The following SPSB1 variants were observed in gnomAD, a reference collection of about 807,000 sequenced individuals.
The protein encoded by SPSB1 is SPRY domain-containing SOCS box protein 1.
SPSB1 carries 8 observed loss-of-function variants against 21.2 expected under a neutral mutation model. That is an observed-to-expected ratio of 0.38 (90% CI 0.22 to 0.68). SPSB1 has a LOEUF of 0.68. Among genes scored for constraint, SPSB1 ranks in the 30% least tolerant of loss-of-function variants. The pLI is 0.53. For synonymous variants in SPSB1, 169 were observed against 161.7 expected (o/e 1.05, Z -0.34); for missense variants, 242 against 377.8 (o/e 0.64, Z 2.98).
intron 1 of SPSB1, chr1:9,339,131 A>C (rs749189929): frequency 9.6e-5 from 78 of 814,478 alleles, no homozygotes; most frequent in Non-Finnish European, 1.1e-4. Context: ...TGGGGACCCT[A>C]CTGCGGGGGC....
chr1:9,296,836 A>G (rs1482145685), intron 1 of SPSB1, among the ~76,000 whole-genome samples: 2 of 152,208 alleles, frequency 1.3e-5, no homozygotes, highest in Non-Finnish European at 2.9e-5. Context: ...GCAAAACCCA[A>G]CAGCACATTG....
At chr1:9,318,417 G>A (rs964274531) in intron 1 of SPSB1, among the ~76,000 whole-genome samples, 9 of 152,194 alleles carry the variant, frequency 5.9e-5, no homozygotes, top group African/African-American at 1.7e-4. Flanking sequence ...TGGGGACAGC[G>A]TCCTCTCCTA....
At chr1:9,331,805 G>GAGA (rs1639925447) in intron 1 of SPSB1, among the ~76,000 whole-genome samples, 8 of 152,176 alleles carry the variant, frequency 5.3e-5, no homozygotes, top group Non-Finnish European at 7.4e-5. Flanking sequence ...AATCTGGAGG[G>GAGA]TGCAACGTGC....
At chr1:9,319,648 C>T (rs79831454) in intron 1 of SPSB1, among the ~76,000 whole-genome samples, 2,713 of 152,306 alleles carry the variant, frequency 0.018, 84 homozygotes, top group African/African-American at 0.062. Flanking sequence ...TCCGTTCCGG[C>T]TGGTGCAGAG....
chr1:9,337,500 T>C (rs1482495448), intron 1 of SPSB1, among the ~76,000 whole-genome samples: 1 of 145,550 alleles, frequency 6.9e-6, no homozygotes, highest in Non-Finnish European at 1.5e-5. Context: ...TTTGGGGGGA[T>C]GGGAGAACAG....
intron 1 of SPSB1, among the ~76,000 whole-genome samples, chr1:9,341,011 T>C (rs1024848658): frequency 6.6e-6 from 1 of 152,206 alleles, no homozygotes; most frequent in African/African-American, 2.4e-5. Flanking sequence ...ACTGCCTCTG[T>C]TCTTGTCTCT....
In SPSB1 at chr1:9,330,380, G is replaced by A. The variant is rs1018455837; in HGVS notation, c.-149-25363G>A. 4.6e-5 allele frequency among the ~76,000 whole-genome samples: 7 copies of A among 152,112 alleles called. No homozygotes were observed. In the East Asian group the frequency reaches 5.8e-4, roughly 13 times the overall value. On this transcript the variant is annotated intron_variant, in intron 1 of 2. Transcript: ENST00000328089. ...CTCAGGAGGCTGAGGCAGGAGAATCGCTTGAACCCGGGAGGCGGAGGTTGC... is the reference window on the plus strand; with the variant it reads ...CTCAGGAGGCTGAGGCAGGAGAATCACTTGAACCCGGGAGGCGGAGGTTGC...
chr1:9,353,435 T>C (rs1640304461), intron 1 of SPSB1, among the ~76,000 whole-genome samples: 1 of 152,096 alleles, frequency 6.6e-6, no homozygotes, highest in South Asian at 2.1e-4. Flanking sequence ...GAGATGGAAC[T>C]AAAAGCTTGA....
intron 1 of SPSB1, among the ~76,000 whole-genome samples, chr1:9,311,089 C>T (rs556247213): frequency 1.3e-5 from 2 of 151,992 alleles, no homozygotes; most frequent in Admixed American, 6.6e-5. Context: ...TCTAGCCTCC[C>T]AGGCTCCCTG....
At chr1:9,313,806 G>A (rs577644236) in intron 1 of SPSB1, among the ~76,000 whole-genome samples, 1 of 152,368 alleles carries the variant, frequency 6.6e-6, no homozygotes, top group Non-Finnish European at 1.5e-5. Context: ...AGTGAAGGCT[G>A]AGTGAATGGA....
intron 1 of SPSB1, among the ~76,000 whole-genome samples, chr1:9,310,903 C>T (rs1253130899): frequency 6.6e-6 from 1 of 152,154 alleles, no homozygotes; most frequent in African/African-American, 2.4e-5. Flanking sequence ...TTAATTTATT[C>T]CAATTCCGTA....
chr1:9,294,805 C>T (rs1366145242), intron 1 of SPSB1, among the ~76,000 whole-genome samples: 1 of 152,040 alleles, frequency 6.6e-6, no homozygotes, highest in Non-Finnish European at 1.5e-5. Flanking sequence ...GGGATGGGGG[C>T]CTCTCCCTTC....
chr1:9,367,454 C>T lies in SPSB1; in HGVS notation c.701C>T (p.Pro234Leu), dbSNP rs771430034. 4 of 1,613,720 alleles carry T rather than the reference C, an allele frequency of 2.5e-6. No homozygotes were observed. Among genetic ancestry groups the T allele is most frequent in the Non-Finnish European group, 3.4e-6 (4 of 1,179,960 alleles). ...MRYLNGLDPE[P>L]LPLMDLCRRS... The stretch of plus-strand genomic sequence containing the variant: ...AGTTTCTCTGTCTCCCCAGCCGAGC[C>T]GCTGCCGCTCATGGATTTGTGCCGT... The change falls in exon 3 of 3, where the codon CCG becomes CTG. Residue 234 changes from proline (P) to leucine (L), a missense_variant. By Grantham distance (98) the Pro-to-Leu change is moderately conservative (BLOSUM62 -3). Transcript: ENST00000328089. The surrounding 1 kb of genome is among the most constrained non-coding windows in gnomAD (Gnocchi z 5.9).
Position 9,293,747 on chromosome 1 carries a change from C to T in SPSB1, c.-150+676C>T, listed in dbSNP as rs1266818204. Reference sequence around the variant, plus strand: ...GAGGAACCGCGGATGGGTCACCGTCCCCGGGCGTGTACTGGGCTCGGTGGC... The same window carrying T: ...GAGGAACCGCGGATGGGTCACCGTCTCCGGGCGTGTACTGGGCTCGGTGGC... On this transcript the variant is annotated intron_variant, in intron 1 of 2. Coordinates refer to ENST00000328089, the MANE Select transcript of SPSB1 (RefSeq NM_025106.4). The surrounding 1 kb of genome is among the most constrained non-coding windows in gnomAD (Gnocchi z 5.1). Among the ~76,000 whole-genome samples the T allele has an allele frequency of 6.6e-6, 1 of 152,202 alleles. No individual in the cohort carries two copies. Among genetic ancestry groups the T allele is most frequent in the Non-Finnish European group, 1.5e-5 (1 of 68,012 alleles).
chr1:9,310,427 T>C (rs758285331), intron 1 of SPSB1, among the ~76,000 whole-genome samples: 6 of 152,182 alleles, frequency 3.9e-5, no homozygotes, highest in Non-Finnish European at 7.4e-5. Flanking sequence ...GCACAGTAGC[T>C]CATGCCTGTA....
intron 1 of SPSB1, among the ~76,000 whole-genome samples, chr1:9,334,816 G>A (rs1357936482): frequency 6.6e-6 from 1 of 152,162 alleles, no homozygotes; most frequent in Non-Finnish European, 1.5e-5. Flanking sequence ...TTTTGTTACT[G>A]GCTTATTTTA....
At position 9,367,429 on chromosome 1, in the gene SPSB1, A is replaced by C. The variant is rs1477213300; in HGVS notation, c.695-19A>C. The C allele has an allele frequency of 1.9e-6, 3 of 1,613,164 alleles. No individual in the cohort carries two copies. The highest frequency in any genetic ancestry group is 2.5e-6 in the Non-Finnish European group (3 of 1,179,946). On this transcript the variant is annotated intron_variant, in intron 2 of 2. Coordinates refer to ENST00000328089, the MANE Select transcript of SPSB1 (RefSeq NM_025106.4). The surrounding 1 kb of genome is among the most constrained non-coding windows in gnomAD (Gnocchi z 5.9). ...ACCCACCCAAGCTGCGCTGACCTGC[A>C]GTTTCTCTGTCTCCCCAGCCGAGCC...
At chr1:9,296,043 A>C (rs539975032) in intron 1 of SPSB1, among the ~76,000 whole-genome samples, 7 of 151,820 alleles carry the variant, frequency 4.6e-5, no homozygotes, top group African/African-American at 1.7e-4. Flanking sequence ...CCCCTCCCCC[A>C]GTTATCTGAT....
rs568890028 is a variant in SPSB1 at position 9,311,075 on chromosome 1, C to T, written c.-150+18004C>T. On this transcript the variant is annotated intron_variant, in intron 1 of 2. Transcript: ENST00000328089. Reference sequence around the variant, plus strand: ...AGTGTGAACAGATCCTTTCTTCTCCCGCCTCTAGCCTCCCAGGCTCCCTGA... The same window carrying T: ...AGTGTGAACAGATCCTTTCTTCTCCTGCCTCTAGCCTCCCAGGCTCCCTGA... 1.4e-4 allele frequency among the ~76,000 whole-genome samples: 21 copies of T among 152,144 alleles called. No homozygotes were observed. In the South Asian group the frequency reaches 3.5e-3, roughly 26 times the overall value.
Sources: gnomAD v4.1 joint callset for allele counts (sites outside exome capture counted in the v4.1 genomes callset) on GRCh38, gnomAD v4.1.1 for gene constraint, Gnocchi (gnomAD v3.1) non-coding constraint, MANE v1.5 for transcripts, NCBI Gene and HGNC (gene_info 2026-07-23, HGNC 2026-07-21) for gene names.